The following PMS2 variants were observed in gnomAD, a reference collection of about 807,000 sequenced individuals.
PMS2 encodes the protein PMS1 homolog 2, mismatch repair system component, also known as mismatch repair endonuclease PMS2.
In PMS2, 69 loss-of-function variants were observed where a neutral mutation model predicts 90.0. The observed-to-expected ratio is 0.77, with a 90% CI of 0.63 to 0.94. PMS2 has a LOEUF of 0.94. PMS2 is among the 40% of genes least tolerant of loss of function. The pLI is 0.00. For missense variants in PMS2, 966 were observed against 1,040.2 expected (o/e 0.93, Z 0.98); for synonymous variants, 332 against 375.1 (o/e 0.89, Z 1.33).
chr7:6,004,117 A>G, intron 2 of PMS2, 59 bp from the exon 3 acceptor site: 1 of 908,912 alleles, frequency 1.1e-6, no homozygotes. Context: ...ATCAGTTTTT[A>G]TATTGACATT....
At chr7:5,990,505 A>G (rs891073508) in intron 9 of PMS2, among the ~76,000 whole-genome samples, 4 of 152,342 alleles carry the variant, frequency 2.6e-5, no homozygotes, top group East Asian at 3.8e-4. Context: ...TTGTTAAAGG[A>G]AAAGCAAATA....
chr7:5,992,497 T>G (rs1783881591), intron 8 of PMS2, among the ~76,000 whole-genome samples: 1 of 151,988 alleles, frequency 6.6e-6, no homozygotes, highest in South Asian at 2.1e-4. Flanking sequence ...TTTTTGTGTT[T>G]TTAGTAGAGA....
chr7:5,987,822 A>C (rs1783216661), intron 10 of PMS2, among the ~76,000 whole-genome samples: 1 of 152,164 alleles, frequency 6.6e-6, no homozygotes, highest in Non-Finnish European at 1.5e-5. Context: ...TAGGAGGCCA[A>C]GGCAGGGGGA....
chr7:5,985,104 A>AT (rs1782709653), intron 11 of PMS2, among the ~76,000 whole-genome samples: 1 of 150,642 alleles, frequency 6.6e-6, no homozygotes, highest in African/African-American at 2.5e-5. Flanking sequence ...TTTAACAGGG[A>AT]CTTTTTTTTT....
At chr7:6,007,727 C>T (rs1425536232) in intron 1 of PMS2, among the ~76,000 whole-genome samples, 3 of 152,128 alleles carry the variant, frequency 2.0e-5, no homozygotes, top group African/African-American at 7.2e-5. Context: ...CTTCATTCCA[C>T]CTTGCTAAGA....
rs587781382 is a variant in PMS2, at chr7:5,987,477, T to A, written c.1288A>T (p.Thr430Ser). The A allele has an allele frequency of 6.2e-7, 1 of 1,614,142 alleles. No individual in the cohort carries two copies. Among genetic ancestry groups the A allele is most frequent in the Non-Finnish European group, 8.5e-7 (1 of 1,179,980 alleles). ...LREAFSLRHT[T>S]ENKPHSPKTP... ...TTTGGGCTGTGAGGCTTGTTCTCTG[T>A]TGTGTGACGAAGAGAAAAGGCCTCT... is the stretch of plus-strand genomic sequence containing the variant. Residue 430 changes from threonine (T) to serine (S), a missense_variant, in exon 11 of 15, where the codon ACA becomes TCA. By Grantham distance (58) the Thr-to-Ser change is moderately conservative (BLOSUM62 1). Coordinates refer to ENST00000265849, the MANE Select transcript of PMS2 (RefSeq NM_000535.7).
rs2128726038 is a variant in PMS2, at chr7:5,987,115, G to A, written c.1650C>T (p.Asp550=). ...PKTDDSFSDV[D]CHSNQEDTGC... The stretch of plus-strand genomic sequence containing the variant: ...CGGTATCTTCCTGGTTTGAATGGCA[G>A]TCCACATCTGAAAAAGAGTCGTCAG... Residue 550 remains aspartate, a synonymous_variant, in exon 11 of 15, where the codon GAC becomes GAT. Coordinates refer to ENST00000265849, the MANE Select transcript of PMS2 (RefSeq NM_000535.7). The A allele has an allele frequency of 6.2e-7, 1 of 1,614,048 alleles. No homozygotes were observed. Among genetic ancestry groups the A allele is most frequent in the Non-Finnish European group, 8.5e-7 (1 of 1,179,974 alleles).
intron 8 of PMS2, among the ~76,000 whole-genome samples, chr7:5,992,293 A>G (rs534467980): frequency 6.6e-6 from 1 of 150,938 alleles, no homozygotes; most frequent in Non-Finnish European, 1.5e-5. Context: ...TCAGCCTGAC[A>G]TGTAACTTGG....
chr7:6,001,744 G>A (rs1349233816), intron 5 of PMS2, among the ~76,000 whole-genome samples: 1 of 152,032 alleles, frequency 6.6e-6, no homozygotes, highest in Admixed American at 6.5e-5. Flanking sequence ...AGCACTTTGA[G>A]AGGCCAAGGT....
chr7:6,002,417 C>T (rs1473863380), intron 5 of PMS2, 36 bp downstream of exon 5: 1 of 1,363,304 alleles, frequency 7.3e-7, no homozygotes, highest in Non-Finnish European at 1.0e-6. Context: ...TGTGCATTAA[C>T]CAATACTCTT....
intron 12 of PMS2, among the ~76,000 whole-genome samples, chr7:5,981,065 C>G (rs866327489): frequency 1.4e-4 from 22 of 151,882 alleles, no homozygotes; most frequent in Middle Eastern, 3.4e-3. Flanking sequence ...ACACGAAAAT[C>G]CATGACCTCT....
intron 7 of PMS2, among the ~76,000 whole-genome samples, chr7:5,996,607 A>ATG: frequency 7.5e-6 from 1 of 133,410 alleles, no homozygotes; most frequent in African/African-American, 2.8e-5. Flanking sequence ...ATATATATAT[A>ATG]TATATACACA....
At chr7:6,001,679 C>T (rs1358517431) in intron 5 of PMS2, among the ~76,000 whole-genome samples, 1 of 151,360 alleles carries the variant, frequency 6.6e-6, no homozygotes, top group Non-Finnish European at 1.5e-5. Context: ...GAGAAATATT[C>T]TTATTAAAAT....
In PMS2 at chr7:5,987,522, C is replaced by G. The variant is rs138387687; in HGVS notation, c.1243G>C (p.Val415Leu). 2 of 1,614,136 alleles carry G rather than the reference C, an allele frequency of 1.2e-6. No homozygotes were observed. The highest frequency in any genetic ancestry group is 1.7e-6 in the Non-Finnish European group (2 of 1,180,030). The change falls in exon 11 of 15, where the codon GTG becomes CTG. Residue 415 changes from valine (V) to leucine (L), a missense_variant. Physicochemically the swap from Val to Leu is conservative, Grantham distance 32. Transcript: ENST00000265849. Reference protein sequence around the residue: ...SLRTGEEKKDVSISRLREAFS... With the variant: ...SLRTGEEKKDLSISRLREAFS... ...GCCTCTCGCAGTCTGGAAATGGACA[C>G]GTCTTTTTTTTCTTCTCCAGTCCTT... is the stretch of plus-strand genomic sequence containing the variant.
intron 2 of PMS2, among the ~76,000 whole-genome samples, chr7:6,005,257 T>C (rs1583415682): frequency 6.6e-6 from 1 of 152,160 alleles, no homozygotes; most frequent in African/African-American, 2.4e-5. Context: ...CAGGCTGGCA[T>C]GCAGTGGCAC....
intron 1 of PMS2, 54 bp from the exon 2 acceptor site, chr7:6,006,085 C>T (rs1785732486): frequency 5.6e-6 from 9 of 1,595,454 alleles, no homozygotes; most frequent in Non-Finnish European, 7.7e-6. Context: ...ATATTTTCAT[C>T]CTGATTTTAA....
At position 6,008,855 on chromosome 7, in the gene PMS2, G is replaced by C. The variant is rs1353842054; in HGVS notation, c.23+142C>G. On this transcript the variant is annotated intron_variant, in intron 1 of 14. Coordinates refer to ENST00000265849, the MANE Select transcript of PMS2 (RefSeq NM_000535.7). ...GGGCACGAGATCGCTGCAACACTGA[G>C]GTCGCCACTCCGGGGCCTCCAGGGG... 4.0e-6 allele frequency: 4 copies of C among 1,011,460 alleles called. No individual in the cohort carries two copies. In the African/African-American group the frequency reaches 4.7e-5, roughly 12 times the overall value. The allele number at this position is 1,011,460 out of a possible 1,614,324, so 62.7% of individuals were successfully genotyped here.
At position 5,987,200 on chromosome 7, in the gene PMS2, C is replaced by A. The variant is rs1783049434; in HGVS notation, c.1565G>T (p.Ser522Ile). 1 of 1,614,116 alleles carries A rather than the reference C, an allele frequency of 6.2e-7. No homozygotes were observed. Among genetic ancestry groups the A allele is most frequent in the Non-Finnish European group, 8.5e-7 (1 of 1,180,030 alleles). Residue 522 changes from serine (S) to isoleucine (I), a missense_variant, in exon 11 of 15, where the codon AGC (serine) becomes ATC (isoleucine). Ser to Ile is a moderately radical substitution (Grantham distance 142). Coordinates refer to ENST00000265849, the MANE Select transcript of PMS2 (RefSeq NM_000535.7). Reference sequence around the variant, plus strand: ...CTGCGAGCCCCTGTCCCCTGGGGAGCTGGCCGCATACTCGCTGCTGCAGTG... The same window carrying A: ...CTGCGAGCCCCTGTCCCCTGGGGAGATGGCCGCATACTCGCTGCTGCAGTG... ...GSHCSSEYAA[S>I]SPGDRGSQEH...
intron 9 of PMS2, 80 bp downstream of exon 9, chr7:5,991,893 G>C (rs1783774164): frequency 1.2e-6 from 1 of 803,114 alleles, no homozygotes; most frequent in African/African-American, 1.7e-5. Context: ...TCTCATTCCA[G>C]TCATAGCAGA....
Sources: gnomAD v4.1 joint callset for allele counts (sites outside exome capture counted in the v4.1 genomes callset) on GRCh38, gnomAD v4.1.1 for gene constraint, MANE v1.5 for transcripts, NCBI Gene and HGNC (gene_info 2026-07-23, HGNC 2026-07-21) for gene names.